The following BMPR1B variants were observed in gnomAD, a reference collection of about 807,000 sequenced individuals.
The protein encoded by BMPR1B is bone morphogenetic protein receptor type-1B.
A neutral mutation model predicts 59.1 loss-of-function variants in BMPR1B; 12 were observed. That is an observed-to-expected ratio of 0.20 (90% CI 0.13 to 0.33). BMPR1B has a LOEUF of 0.33. Ranked by LOEUF, BMPR1B falls within the 10% of genes least tolerant of loss-of-function variation. The pLI, the probability that BMPR1B is intolerant of heterozygous loss-of-function variation, is 1.00. For missense variants in BMPR1B, 550 were observed against 610.9 expected (o/e 0.90, Z 1.05); for synonymous variants, 237 against 207.3 (o/e 1.14, Z -1.23).
intron 2 of BMPR1B, among the ~76,000 whole-genome samples, chr4:94,885,305 A>T (rs1438732047): frequency 1.3e-5 from 2 of 152,218 alleles, no homozygotes; most frequent in Admixed American, 6.5e-5. Flanking sequence ...GTCACTGAGA[A>T]GATGACTAAG....
At chr4:94,882,480 G>A (rs1727012014) in intron 2 of BMPR1B, among the ~76,000 whole-genome samples, 1 of 152,176 alleles carries the variant, frequency 6.6e-6, no homozygotes, top group Non-Finnish European at 1.5e-5. Flanking sequence ...GGTGGTGTTT[G>A]GTATAGCTGC....
intron 4 of BMPR1B, among the ~76,000 whole-genome samples, chr4:95,105,578 A>G (rs572957181): frequency 6.2e-4 from 94 of 152,066 alleles, no homozygotes; most frequent in Non-Finnish European, 1.1e-3. Flanking sequence ...AACCTTGTAT[A>G]TTTAGCACAA....
chr4:95,007,010 A>G (rs967719770), intron 3 of BMPR1B, among the ~76,000 whole-genome samples: 1 of 152,192 alleles, frequency 6.6e-6, no homozygotes, highest in African/African-American at 2.4e-5. Context: ...CTCTATTCCT[A>G]CAAGGAAGAC....
intron 3 of BMPR1B, among the ~76,000 whole-genome samples, chr4:95,094,898 G>A (rs1730251820): frequency 6.6e-6 from 1 of 151,708 alleles, no homozygotes; most frequent in African/African-American, 2.4e-5. Flanking sequence ...TAACATCACA[G>A]TTAATATTAG....
intron 1 of BMPR1B, among the ~76,000 whole-genome samples, chr4:94,765,062 C>G (rs551661794): frequency 6.6e-6 from 1 of 152,098 alleles, no homozygotes; most frequent in African/African-American, 2.4e-5. Context: ...GTCTAAGTGG[C>G]TCTTGTTAAC....
At chr4:95,085,180 C>G (rs1241657258) in intron 3 of BMPR1B, among the ~76,000 whole-genome samples, 1 of 152,110 alleles carries the variant, frequency 6.6e-6, no homozygotes, top group Non-Finnish European at 1.5e-5. Context: ...TTGATCATAA[C>G]CCAAGAAGGA....
intron 10 of BMPR1B, among the ~76,000 whole-genome samples, chr4:95,143,165 C>T (rs1035725232): frequency 6.6e-6 from 1 of 152,216 alleles, no homozygotes; most frequent in Non-Finnish European, 1.5e-5. Flanking sequence ...CTAACACCTG[C>T]AGTGCACACA....
chr4:94,771,048 G>A (rs1722168673), intron 1 of BMPR1B, among the ~76,000 whole-genome samples: 1 of 152,194 alleles, frequency 6.6e-6, no homozygotes, highest in Non-Finnish European at 1.5e-5. Flanking sequence ...GTGAGGGGCT[G>A]TGGATAAAAG....
chr4:95,157,880 C>T lies in BMPR1B; in HGVS notation c.*3207C>T, dbSNP rs976211573. 2 of 152,082 alleles carry T rather than the reference C, an allele frequency of 1.3e-5. No homozygotes were observed. Among genetic ancestry groups the T allele is most frequent in the Non-Finnish European group, 2.9e-5 (2 of 67,984 alleles). The allele number at this position is 152,082 out of a possible 1,614,324, so 9.4% of individuals were successfully genotyped here. On this transcript the variant is annotated 3_prime_UTR_variant, in exon 13 of 13. Transcript: ENST00000515059. The stretch of plus-strand genomic sequence containing the variant: ...ATTTTTGAATTCCCCAAACAGAAAG[C>T]TTCTTAGAAAACATGCTGAGATTTT...
chr4:95,001,026 G>A (rs959336767), intron 3 of BMPR1B, among the ~76,000 whole-genome samples: 1 of 152,056 alleles, frequency 6.6e-6, no homozygotes, highest in African/African-American at 2.4e-5. Context: ...AACATAACCC[G>A]CCAAACATCA....
chr4:95,036,070 T>G (rs1202468075), intron 3 of BMPR1B, among the ~76,000 whole-genome samples: 54 of 152,134 alleles, frequency 3.5e-4, no homozygotes, highest in Admixed American at 3.5e-3. Flanking sequence ...AGTTCTTGAT[T>G]TGATTCTCAG....
rs562012324 is a variant in BMPR1B at position 94,792,317 on chromosome 4, T to C, written c.-183+34249T>C. Reference sequence around the variant, plus strand: ...GGGCTGTTTGTCCCTTCTCTAAGTGTTCTCAGGGCTGATTTCTTCAATCTG... The same window carrying C: ...GGGCTGTTTGTCCCTTCTCTAAGTGCTCTCAGGGCTGATTTCTTCAATCTG... On this transcript the variant is annotated intron_variant, in intron 1 of 12. Transcript: ENST00000515059. 1.8e-4 allele frequency among the ~76,000 whole-genome samples: 28 copies of C among 152,342 alleles called. No individual in the cohort carries two copies. The East Asian group carries it at 5.4e-3, about 29-fold the overall frequency.
intron 2 of BMPR1B, among the ~76,000 whole-genome samples, chr4:94,943,413 C>T (rs1031802398): frequency 5.9e-5 from 9 of 152,128 alleles, no homozygotes; most frequent in South Asian, 2.1e-4. Flanking sequence ...CGTGAGCCAC[C>T]GTGTCTGCCT....
At chr4:94,810,214 T>A (rs188087608) in intron 1 of BMPR1B, among the ~76,000 whole-genome samples, 1 of 152,328 alleles carries the variant, frequency 6.6e-6, no homozygotes, top group East Asian at 1.9e-4. Flanking sequence ...CATCGAAGTA[T>A]TTTTACTGTT....
intron 3 of BMPR1B, among the ~76,000 whole-genome samples, chr4:95,012,884 T>C (rs1302734514): frequency 1.3e-5 from 2 of 152,158 alleles, no homozygotes; most frequent in East Asian, 3.8e-4. Context: ...TCTTCATAAT[T>C]AACACAGTTT....
In BMPR1B at chr4:94,774,355, A is replaced by C. The variant is rs144771561; in HGVS notation, c.-183+16287A>C. ...ATGAATTGTTTGCTCTTAAGGAAAA[A>C]ATTTGAGGTTCTTAAGAAATAGAAA... On this transcript the variant is annotated intron_variant, in intron 1 of 12. Transcript: ENST00000515059. Among the ~76,000 whole-genome samples, 71 of 152,142 alleles carry C rather than the reference A, an allele frequency of 4.7e-4. No individual in the cohort carries two copies. In the East Asian group the frequency reaches 0.012, roughly 26 times the overall value.
chr4:95,149,737 A>T (rs1420764208), intron 11 of BMPR1B, among the ~76,000 whole-genome samples: 1 of 152,208 alleles, frequency 6.6e-6, no homozygotes, highest in African/African-American at 2.4e-5. Context: ...GTCTATCTTC[A>T]TGAAAACATG....
At chr4:94,950,317 T>C (rs949619328) in intron 2 of BMPR1B, among the ~76,000 whole-genome samples, 5 of 151,058 alleles carry the variant, frequency 3.3e-5, no homozygotes, top group African/African-American at 1.2e-4. Context: ...CAATGTTGGC[T>C]TTTTTTTTGC....
intron 9 of BMPR1B, among the ~76,000 whole-genome samples, chr4:95,130,726 T>A: frequency 6.5e-5 from 2 of 31,004 alleles, no homozygotes; most frequent in East Asian, 5.6e-4. Context: ...TTCTTTTCTT[T>A]TTTTTTTTTT....
Sources: gnomAD v4.1 joint callset for allele counts (sites outside exome capture counted in the v4.1 genomes callset) on GRCh38, gnomAD v4.1.1 for gene constraint, MANE v1.5 for transcripts, NCBI Gene and HGNC (gene_info 2026-07-23, HGNC 2026-07-21) for gene names.